The following GAS2 variants were observed in gnomAD, a reference collection of about 807,000 sequenced individuals.
GAS2 encodes the protein growth arrest specific 2, also known as growth arrest-specific protein 2.
Under a neutral mutation model 37.5 loss-of-function variants are expected in GAS2, and 20 were observed. The observed-to-expected ratio is 0.53, with a 90% CI of 0.37 to 0.77. GAS2 has a LOEUF of 0.77. GAS2 is among the 30% of genes least tolerant of loss of function. The pLI is 0.00. For synonymous variants in GAS2, 144 were observed against 132.2 expected (o/e 1.09, Z -0.61); for missense variants, 336 against 373.4 (o/e 0.90, Z 0.82).
intron 3 of GAS2, among the ~76,000 whole-genome samples, chr11:22,696,263 G>T (rs1850510062): frequency 6.6e-6 from 1 of 151,746 alleles, no homozygotes; most frequent in African/African-American, 2.4e-5. Context: ...CGCTACAAAG[G>T]ACATGAACTC....
intron 5 of GAS2, among the ~76,000 whole-genome samples, chr11:22,741,076 T>G (rs1183789082): frequency 6.6e-6 from 1 of 152,188 alleles, no homozygotes; most frequent in Non-Finnish European, 1.5e-5. Context: ...TGATTCCCAG[T>G]GAGTTTCTGA....
chr11:22,669,987 A>G (rs1483362625), intron 1 of GAS2, among the ~76,000 whole-genome samples: 1 of 152,214 alleles, frequency 6.6e-6, no homozygotes, highest in Non-Finnish European at 1.5e-5. Flanking sequence ...AAAAGAGTGA[A>G]GAACTCACAA....
intron 3 of GAS2, among the ~76,000 whole-genome samples, chr11:22,690,114 T>C (rs758155972): frequency 2.3e-4 from 35 of 152,174 alleles, no homozygotes; most frequent in Non-Finnish European, 4.7e-4. Flanking sequence ...TGATAGTTAA[T>C]TTGGAGATTT....
chr11:22,650,619 A>G (rs1321719240), intron 1 of GAS2, among the ~76,000 whole-genome samples: 2 of 148,928 alleles, frequency 1.3e-5, no homozygotes, highest in Admixed American at 6.7e-5. Flanking sequence ...GGGTGCATAT[A>G]TATTTAGGAT....
At chr11:22,673,905 A>T (rs1367963503) in intron 1 of GAS2, among the ~76,000 whole-genome samples, 8 of 152,238 alleles carry the variant, frequency 5.3e-5, no homozygotes, top group Non-Finnish European at 1.2e-4. Context: ...AAGTACTTCT[A>T]CTCTAAAGAT....
In GAS2 at chr11:22,696,601, C is replaced by T. The variant is rs1440175637; in HGVS notation, c.267+10812C>T. On this transcript the variant is annotated intron_variant, in intron 3 of 7. Transcript: ENST00000454584. ...CTACTTCTCCATATCCTCTCCAGCACCTGTTGTTTCCTGACTTTTTAATGA... is the reference window on the plus strand; with the variant it reads ...CTACTTCTCCATATCCTCTCCAGCATCTGTTGTTTCCTGACTTTTTAATGA... Among the ~76,000 whole-genome samples, 52 of 152,044 alleles carry T rather than the reference C, an allele frequency of 3.4e-4. No homozygotes were observed. The East Asian group carries it at 7.6e-3, about 22-fold the overall frequency.
At chr11:22,650,906 T>C (rs1241014236) in intron 1 of GAS2, among the ~76,000 whole-genome samples, 1 of 150,978 alleles carries the variant, frequency 6.6e-6, no homozygotes, top group East Asian at 1.9e-4. Flanking sequence ...TTGGAGCATT[T>C]AGTCCATTTA....
intron 7 of GAS2, among the ~76,000 whole-genome samples, chr11:22,778,901 A>G (rs1370018827): frequency 6.6e-6 from 1 of 152,070 alleles, no homozygotes; most frequent in Non-Finnish European, 1.5e-5. Context: ...AGGGGGATAT[A>G]TTTATTTATT....
intron 1 of GAS2, among the ~76,000 whole-genome samples, chr11:22,653,916 C>T (rs576102754): frequency 1.6e-4 from 25 of 152,290 alleles, no homozygotes; most frequent in African/African-American, 4.3e-4. Context: ...CCTCCTTTAA[C>T]GATGCTTTCT....
chr11:22,789,313 C>T (rs11026790), intron 7 of GAS2, among the ~76,000 whole-genome samples: 8,056 of 104,460 alleles, frequency 0.077, 288 homozygotes, highest in South Asian at 0.18. Context: ...TACACACACA[C>T]ACACACACAC....
At chr11:22,750,896 G>A (rs535943583) in intron 6 of GAS2, among the ~76,000 whole-genome samples, 2 of 151,706 alleles carry the variant, frequency 1.3e-5, no homozygotes, top group African/African-American at 4.8e-5. Flanking sequence ...GACCACTAAA[G>A]AGTATCTGGC....
chr11:22,722,857 C>A (rs959459538), intron 3 of GAS2, among the ~76,000 whole-genome samples: 3 of 151,716 alleles, frequency 2.0e-5, no homozygotes, highest in African/African-American at 7.3e-5. Flanking sequence ...CATGAGTAAA[C>A]AAAGATAATA....
Position 22,787,951 on chromosome 11 carries a change from G to T in GAS2, c.724-23847G>T, listed in dbSNP as rs77435982. Reference sequence around the variant, plus strand: ...TTAAAGTATGTAATTTTGAATAGCTGCTGGCTTAAGTGGAATGGTTTATTG... The same window carrying T: ...TTAAAGTATGTAATTTTGAATAGCTTCTGGCTTAAGTGGAATGGTTTATTG... On this transcript the variant is annotated intron_variant, in intron 7 of 7. Coordinates refer to ENST00000454584, the MANE Select transcript of GAS2 (RefSeq NM_001143830.3). Among the ~76,000 whole-genome samples, 99 of 152,282 alleles carry T rather than the reference G, an allele frequency of 6.5e-4. No homozygotes were observed. In the East Asian group the frequency reaches 0.015, roughly 23 times the overall value.
intron 7 of GAS2, among the ~76,000 whole-genome samples, chr11:22,758,909 G>A (rs1479956007): frequency 1.8e-3 from 5 of 2,848 alleles, no homozygotes; most frequent in Non-Finnish European, 0.016. Flanking sequence ...GCAAAACTCC[G>A]TCTCAAAAAA....
chr11:22,701,690 G>A (rs1472104885), intron 3 of GAS2, among the ~76,000 whole-genome samples: 1 of 152,046 alleles, frequency 6.6e-6, no homozygotes, highest in African/African-American at 2.4e-5. Context: ...TTAGCCGGGT[G>A]TGGTGGCAGG....
At chr11:22,700,521 G>A (rs1288531622) in intron 3 of GAS2, among the ~76,000 whole-genome samples, 3 of 152,144 alleles carry the variant, frequency 2.0e-5, no homozygotes, top group African/African-American at 7.2e-5. Flanking sequence ...GCACTGACAA[G>A]AGATTGGCTG....
chr11:22,786,771 A>G (rs1253409814), intron 7 of GAS2, among the ~76,000 whole-genome samples: 1 of 152,156 alleles, frequency 6.6e-6, no homozygotes, highest in Admixed American at 6.5e-5. Context: ...GCAAACTTGT[A>G]TCTCCTTCAG....
chr11:22,702,139 A>G (rs1850874387), intron 3 of GAS2: 1 of 152,196 alleles, frequency 6.6e-6, no homozygotes, highest in African/African-American at 2.4e-5. Flanking sequence ...AAGTGGGTGT[A>G]AACTGATTAG....
chr11:22,738,207 T>C (rs1352999388), intron 5 of GAS2, among the ~76,000 whole-genome samples: 1 of 152,210 alleles, frequency 6.6e-6, no homozygotes, highest in Non-Finnish European at 1.5e-5. Flanking sequence ...AACACTTTGC[T>C]CTTTTAGTTT....
Sources: allele counts gnomAD v4.1 joint callset (sites outside exome capture counted in the v4.1 genomes callset), GRCh38; gene constraint gnomAD v4.1.1; transcripts MANE v1.5; gene names NCBI Gene and HGNC (gene_info 2026-07-23, HGNC 2026-07-21).